Variants in HTR3E observed in about 807,000 individuals in gnomAD.
HTR3E encodes 5-hydroxytryptamine receptor 3E, also known as 5-hydroxytryptamine (serotonin) receptor 3, family member E.
A neutral mutation model predicts 38.0 loss-of-function variants in HTR3E; 38 were observed. The observed-to-expected ratio is 1.00, with a 90% CI of 0.77 to 1.31. HTR3E has a LOEUF of 1.31. HTR3E is among the 50% of genes most tolerant of loss of function. The pLI, the probability that HTR3E is intolerant of heterozygous loss-of-function variation, is 0.00. For missense variants in HTR3E, 547 were observed against 585.2 expected (o/e 0.93, Z 0.67); for synonymous variants, 210 against 232.9 (o/e 0.90, Z 0.89).
chr3:184,103,565 G>A (rs1577011513), intron 3 of HTR3E, among the ~76,000 whole-genome samples: 1 of 149,768 alleles, frequency 6.7e-6, no homozygotes, highest in East Asian at 2.0e-4. Flanking sequence ...GGAGGCAGAG[G>A]TTGCAGTGAG....
chr3:184,097,246 G>A lies in HTR3E; in HGVS notation c.-284G>A. On this transcript the variant is annotated 5_prime_UTR_variant, in exon 1 of 9. Transcript: ENST00000415389. ...TTGAAGAGATGAGTCTTCAGACCAA[G>A]GGATCTCACCAAGATCTGCAAGTTG... The A allele has an allele frequency of 3.9e-6, 1 of 256,268 alleles. No individual in the cohort carries two copies. The highest frequency in any genetic ancestry group is 5.2e-5 in the Admixed American group (1 of 19,416). The allele number at this position is 256,268 out of a possible 1,614,324, so 15.9% of individuals were successfully genotyped here.
chr3:184,099,862 G>A (rs1287383188), intron 1 of HTR3E, among the ~76,000 whole-genome samples: 1 of 152,192 alleles, frequency 6.6e-6, no homozygotes, highest in African/African-American at 2.4e-5. Flanking sequence ...GGTTGGGGCA[G>A]TCGGGGTGAA....
chr3:184,105,680 A>C (rs1384859563), intron 6 of HTR3E, 85 bp from the exon 7 acceptor site: 2 of 1,209,184 alleles, frequency 1.7e-6, no homozygotes, highest in African/African-American at 3.0e-5. Context: ...AGAAAAAGGC[A>C]GAGACAGAAA....
intron 2 of HTR3E, among the ~76,000 whole-genome samples, 163 bp from the exon 3 acceptor site, chr3:184,101,322 T>A (rs1398994633): frequency 6.6e-6 from 1 of 152,188 alleles, no homozygotes; most frequent in Non-Finnish European, 1.5e-5. Context: ...TGCTGTGAAC[T>A]CTCCTGTCCG....
chr3:184,105,396 G>A lies in HTR3E; in HGVS notation c.689G>A (p.Gly230Glu), dbSNP rs377607276. The A allele has an allele frequency of 8.1e-6, 13 of 1,613,632 alleles. No individual in the cohort carries two copies. The highest frequency in any genetic ancestry group is 1.3e-5 in the African/African-American group (1 of 74,888). The change falls in exon 6 of 9, where the codon GGA becomes GAA. Residue 230 changes from glycine to glutamate, a missense_variant. Gly to Glu is a moderately conservative substitution (Grantham distance 98). Transcript: ENST00000415389. ...LSKATAKLSR[G>E]GNLYDQIVFY... ...AAGGCCACCGCAAAGTTGTCCAGGGGAGGCAACCTGTATGATCAGATCGTG... is the reference window on the plus strand; with the variant it reads ...AAGGCCACCGCAAAGTTGTCCAGGGAAGGCAACCTGTATGATCAGATCGTG...
At position 184,104,774 on chromosome 3, in the gene HTR3E, A is replaced by C. The variant is rs951829752; in HGVS notation, c.390-13A>C. ...AACTGCAGCACCTGCCTCTTGCGTT[A>C]TCTCTCCTCCAGCATGGATGTGGAT... is the stretch of plus-strand genomic sequence containing the variant. On this transcript the variant is annotated splice_polypyrimidine_tract_variant and intron_variant, in intron 4 of 8. Transcript: ENST00000415389. 7.6e-6 allele frequency: 12 copies of C among 1,584,662 alleles called. No individual in the cohort carries two copies. The highest frequency in any genetic ancestry group is 3.7e-5 in the Admixed American group (2 of 54,432).
intron 5 of HTR3E, 100 bp from the exon 6 acceptor site, chr3:184,105,167 C>G: frequency 7.3e-7 from 1 of 1,366,444 alleles, no homozygotes. Flanking sequence ...GTGGGAGGCA[C>G]TCAAAAATAT....
rs565487634 is a variant in HTR3E, at chr3:184,101,308, G to A, written c.235-177G>A. Reference sequence around the variant, plus strand: ...GGTTGAGAAGGACTACTTTACTCCCGCCCTGCTGTGAACTCTCCTGTCCGT... The same window carrying A: ...GGTTGAGAAGGACTACTTTACTCCCACCCTGCTGTGAACTCTCCTGTCCGT... On this transcript the variant is annotated intron_variant, in intron 2 of 8. Transcript: ENST00000415389. 3.1e-4 allele frequency among the ~76,000 whole-genome samples: 47 copies of A among 152,218 alleles called. No individual in the cohort carries two copies. In the South Asian group the frequency reaches 9.3e-3, roughly 30 times the overall value.
chr3:184,099,358 C>A (rs540026964), intron 1 of HTR3E, among the ~76,000 whole-genome samples: 1 of 152,226 alleles, frequency 6.6e-6, no homozygotes, highest in African/African-American at 2.4e-5. Context: ...CCACTGCACT[C>A]CAGCCTGGGC....
chr3:184,105,376 C>T lies in HTR3E; in HGVS notation c.669C>T (p.Ala223=), dbSNP rs772940697. ...GEWELLGLSK[A]TAKLSRGGNL... ...GGGAGCTCCTGGGCCTCAGCAAGGCCACCGCAAAGTTGTCCAGGGGAGGCA... is the reference window on the plus strand; with the variant it reads ...GGGAGCTCCTGGGCCTCAGCAAGGCTACCGCAAAGTTGTCCAGGGGAGGCA... Residue 223 remains alanine, a synonymous_variant, in exon 6 of 9, where the codon GCC becomes GCT. Transcript: ENST00000415389. 1 of 1,614,168 alleles carries T rather than the reference C, an allele frequency of 6.2e-7. No individual in the cohort carries two copies. Among genetic ancestry groups the T allele is most frequent in the South Asian group, 1.1e-5 (1 of 91,076 alleles).
intron 1 of HTR3E, among the ~76,000 whole-genome samples, chr3:184,099,615 GA>G (rs1009669046): frequency 3.3e-5 from 5 of 149,568 alleles, no homozygotes; most frequent in African/African-American, 1.2e-4. Flanking sequence ...TCGGGAGGCT[GA>G]GGCAGGAGAA....
At chr3:184,103,426 A>C (rs867842689) in intron 3 of HTR3E, among the ~76,000 whole-genome samples, 1 of 152,036 alleles carries the variant, frequency 6.6e-6, no homozygotes. Flanking sequence ...TCAGGAGATC[A>C]AGACCATCCT....
chr3:184,100,895 A>G (rs1711996532), intron 2 of HTR3E, among the ~76,000 whole-genome samples: 1 of 151,996 alleles, frequency 6.6e-6, no homozygotes, highest in African/African-American at 2.4e-5. Context: ...CTAATCTCAG[A>G]GGTTTTGATT....
intron 3 of HTR3E, among the ~76,000 whole-genome samples, chr3:184,102,919 C>T (rs1456694879): frequency 6.8e-6 from 1 of 147,444 alleles, no homozygotes; most frequent in Non-Finnish European, 1.5e-5. Context: ...AGTGAGACTG[C>T]ATCTCAAAAA....
rs1460541144 is a variant in HTR3E at position 184,097,159 on chromosome 3, CAT to C, written c.-370_-369del. 3 of 162,734 alleles carry C rather than the reference CAT, an allele frequency of 1.8e-5. No individual in the cohort carries two copies. Among genetic ancestry groups the C allele is most frequent in the African/African-American group, 7.2e-5 (3 of 41,630 alleles). 10.1% of individuals were successfully genotyped at this position (162,734 alleles called of 1,614,324 possible). ...TAAGATAGAAGGAAACCATTCAACA[CAT>C]GTCTAATAAGAAAAATAGAGGAAGT... On this transcript the variant is annotated 5_prime_UTR_variant, in exon 1 of 9. It removes an upstream start codon present in the reference 5' UTR. Coordinates refer to ENST00000415389, the MANE Select transcript of HTR3E (RefSeq NM_001256613.2).
chr3:184,106,293 C>A lies in HTR3E; in HGVS notation c.1091C>A (p.Ala364Glu), dbSNP rs141615038. The A allele has an allele frequency of 3.1e-6, 5 of 1,613,412 alleles. No individual in the cohort carries two copies. In the East Asian group the frequency reaches 1.1e-4, roughly 36 times the overall value. Residue 364 changes from alanine (A) to glutamate (E), a missense_variant, in exon 8 of 9, where the codon GCG becomes GAG. Ala to Glu is a moderately radical substitution (Grantham distance 107). Transcript: ENST00000415389. The surrounding 1 kb of genome is among the most constrained non-coding windows in gnomAD (Gnocchi z 4.1). ...AGCCCGGGGAGATGCTGTCCCACTG[C>A]GCCCCAGAAGGAAAATAAGGGCCCG... Reference protein sequence around the residue: ...CNSPGRCCPTAPQKENKGPGL... With the variant: ...CNSPGRCCPTEPQKENKGPGL...
rs1711973690 is a variant in HTR3E at position 184,100,575 on chromosome 3, C to T, written c.158C>T (p.Pro53Leu). 6.2e-7 allele frequency: 1 copy of T among 1,614,006 alleles called. No homozygotes were observed. Among genetic ancestry groups the T allele is most frequent in the South Asian group, 1.1e-5 (1 of 91,078 alleles). The change falls in exon 2 of 9, where the codon CCC (proline) becomes CTC (leucine). Residue 53 changes from proline (P) to leucine (L), a missense_variant. Pro to Leu is a moderately conservative substitution (Grantham distance 98). Transcript: ENST00000415389. ...TALNSVFNRK[P>L]FRPVTNISVP... is the part of the protein sequence containing the mutation. Reference sequence around the variant, plus strand: ...CTGAATTCAGTGTTTAATAGAAAGCCCTTCCGTCCGGTCACCAACATCAGC... The same window carrying T: ...CTGAATTCAGTGTTTAATAGAAAGCTCTTCCGTCCGGTCACCAACATCAGC...
rs141773119 is a variant in HTR3E, at chr3:184,105,418, C to T, written c.711C>T (p.Ile237=). ...GGGGAGGCAACCTGTATGATCAGAT[C>T]GTGTTCTATGTGAGCTTGGAGGCTC... ...LSRGGNLYDQ[I]VFYVAIRRRP... Residue 237 remains isoleucine (I), a synonymous_variant, in exon 6 of 9, where the codon ATC becomes ATT. Coordinates refer to ENST00000415389, the MANE Select transcript of HTR3E (RefSeq NM_001256613.2). 10 of 1,608,868 alleles carry T rather than the reference C, an allele frequency of 6.2e-6. No individual in the cohort carries two copies. The highest frequency in any genetic ancestry group is 1.3e-5 in the African/African-American group (1 of 74,672).
chr3:184,097,885 T>A (rs1711750398), intron 1 of HTR3E, among the ~76,000 whole-genome samples: 1 of 152,204 alleles, frequency 6.6e-6, no homozygotes. Flanking sequence ...GTTTTCCCAA[T>A]ACTACTTGAA....
Sources: gnomAD v4.1 joint callset for allele counts (sites outside exome capture counted in the v4.1 genomes callset) on GRCh38, gnomAD v4.1.1 for gene constraint, Gnocchi (gnomAD v3.1) non-coding constraint, MANE v1.5 for transcripts, NCBI Gene and HGNC (gene_info 2026-07-23, HGNC 2026-07-21) for gene names.